The following MAGI2 variants were observed in gnomAD, a reference collection of about 807,000 sequenced individuals.
The protein encoded by MAGI2 is membrane-associated guanylate kinase, WW and PDZ domain-containing protein 2.
Under a neutral mutation model 133.3 loss-of-function variants are expected in MAGI2, and 35 were observed. That is an observed-to-expected ratio of 0.26 (90% CI 0.20 to 0.35). The LOEUF is 0.35. Among genes scored for constraint, MAGI2 ranks in the 10% least tolerant of loss-of-function variants. The pLI, the probability that MAGI2 is intolerant of heterozygous loss-of-function variation, is 1.00. For missense variants in MAGI2, 1,636 were observed against 1,863.4 expected (o/e 0.88, Z 2.25); for synonymous variants, 729 against 710.6 (o/e 1.03, Z -0.41).
chr7:78,091,077 T>A lies in MAGI2; in HGVS notation c.3568-11992A>T, dbSNP rs117832351. On this transcript the variant is annotated intron_variant, in intron 20 of 21. Transcript: ENST00000354212. ...ATGTGTGTGTGTGTGTGTGTGTGTG[T>A]GATAAGAGAGTAAGAGTGAATGAAT... is the stretch of plus-strand genomic sequence containing the variant. 4.0e-3 allele frequency among the ~76,000 whole-genome samples: 585 copies of A among 148,000 alleles called. 10 individuals are homozygous for A. The South Asian group carries it at 0.045, about 11-fold the overall frequency.
At chr7:79,361,454 ATATCG>A (rs993311101) in intron 1 of MAGI2, among the ~76,000 whole-genome samples, 2 of 152,170 alleles carry the variant, frequency 1.3e-5, no homozygotes, top group African/African-American at 2.4e-5. Context: ...TCATGCCCAA[ATATCG>A]TATTTTCCAA....
intron 6 of MAGI2, among the ~76,000 whole-genome samples, chr7:78,452,946 A>T (rs965356808): frequency 5.3e-5 from 8 of 152,106 alleles, no homozygotes; most frequent in Admixed American, 5.2e-4. Flanking sequence ...TCTCCTGAAA[A>T]AAAAATCACA....
At chr7:78,813,800 A>AC (rs1789299053) in intron 2 of MAGI2, among the ~76,000 whole-genome samples, 1 of 151,298 alleles carries the variant, frequency 6.6e-6, no homozygotes, top group Non-Finnish European at 1.5e-5. Flanking sequence ...AAAAAAAAAA[A>AC]AAAACACAAA....
intron 2 of MAGI2, among the ~76,000 whole-genome samples, chr7:78,975,784 G>GA (rs1562739435): frequency 6.6e-6 from 1 of 151,102 alleles, no homozygotes; most frequent in Admixed American, 6.6e-5. Context: ...AATTAATCAA[G>GA]AAAAAAAGGG....
chr7:78,374,816 G>T (rs922059470), intron 6 of MAGI2, among the ~76,000 whole-genome samples: 1 of 151,818 alleles, frequency 6.6e-6, no homozygotes, highest in Non-Finnish European at 1.5e-5. Context: ...TAGGATTTTT[G>T]CACTTATATT....
At chr7:78,137,927 A>AG (rs1822328888) in intron 16 of MAGI2, among the ~76,000 whole-genome samples, 3 of 40,548 alleles carry the variant, frequency 7.4e-5, no homozygotes, top group Non-Finnish European at 6.2e-5. Flanking sequence ...GTGCTAAGTG[A>AG]TAATATATGT....
At chr7:78,891,818 C>A (rs550162859) in intron 2 of MAGI2, among the ~76,000 whole-genome samples, 1 of 152,262 alleles carries the variant, frequency 6.6e-6, no homozygotes, top group South Asian at 2.1e-4. Context: ...AAAACTTGCA[C>A]AAGACAGGGA....
At chr7:78,784,214 T>A (rs1478792983) in intron 2 of MAGI2, among the ~76,000 whole-genome samples, 1 of 151,800 alleles carries the variant, frequency 6.6e-6, no homozygotes, top group Non-Finnish European at 1.5e-5. Flanking sequence ...TTTTTTTTTT[T>A]TTCTTACTAA....
At chr7:78,275,588 A>G (rs772924986) in intron 9 of MAGI2, among the ~76,000 whole-genome samples, 1 of 152,232 alleles carries the variant, frequency 6.6e-6, no homozygotes, top group Admixed American at 6.5e-5. Flanking sequence ...TGCCAAGCCT[A>G]TCAGAGAGGA....
At chr7:78,076,547 T>C (rs1050118236) in intron 21 of MAGI2, among the ~76,000 whole-genome samples, 16 of 151,134 alleles carry the variant, frequency 1.1e-4, no homozygotes, top group Non-Finnish European at 2.4e-4. Context: ...TAGGTGATGT[T>C]AAGAATTAAT....
At chr7:78,663,953 A>AT (rs1254703297) in intron 2 of MAGI2, among the ~76,000 whole-genome samples, 1 of 152,154 alleles carries the variant, frequency 6.6e-6, no homozygotes, top group Admixed American at 6.5e-5. Context: ...ACATTGCAAC[A>AT]TTTTTTTGAC....
intron 1 of MAGI2, among the ~76,000 whole-genome samples, chr7:79,120,605 T>A (rs1819809967): frequency 6.6e-6 from 1 of 152,038 alleles, no homozygotes; most frequent in African/African-American, 2.4e-5. Context: ...TAGGTCCTAA[T>A]CTATTTACAG....
chr7:79,159,353 A>G (rs1194193297), intron 1 of MAGI2, among the ~76,000 whole-genome samples: 12 of 152,040 alleles, frequency 7.9e-5, no homozygotes, highest in African/African-American at 2.9e-4. Flanking sequence ...GTCTCTACTA[A>G]AAATACAAAA....
intron 4 of MAGI2, among the ~76,000 whole-genome samples, chr7:78,508,273 G>C (rs1795261970): frequency 6.6e-6 from 1 of 151,914 alleles, no homozygotes; most frequent in Non-Finnish European, 1.5e-5. Context: ...TATGAATCTG[G>C]GGGTGGGGGC....
intron 20 of MAGI2, among the ~76,000 whole-genome samples, chr7:78,123,272 T>G (rs1820641836): frequency 6.6e-6 from 1 of 152,158 alleles, no homozygotes; most frequent in Non-Finnish European, 1.5e-5. Context: ...TCCACTGGTT[T>G]TTTGATAAAG....
At chr7:78,575,262 G>C (rs1223886549) in intron 3 of MAGI2, among the ~76,000 whole-genome samples, 1 of 152,084 alleles carries the variant, frequency 6.6e-6, no homozygotes. Flanking sequence ...TAAAGTATTG[G>C]ATTATAGCCA....
At chr7:78,768,934 A>T (rs967111952) in intron 2 of MAGI2, among the ~76,000 whole-genome samples, 1 of 152,110 alleles carries the variant, frequency 6.6e-6, no homozygotes, top group African/African-American at 2.4e-5. Flanking sequence ...GCACACCCCC[A>T]AACAACACAT....
At chr7:78,324,925 C>T (rs1054785991) in intron 9 of MAGI2, among the ~76,000 whole-genome samples, 1 of 152,122 alleles carries the variant, frequency 6.6e-6, no homozygotes, top group Non-Finnish European at 1.5e-5. Flanking sequence ...AAGATCGCGC[C>T]ATTGTACTCC....
rs530098096 is a variant in MAGI2, at chr7:79,166,841, G to A, written c.302-159635C>T. Among the ~76,000 whole-genome samples the A allele has an allele frequency of 1.7e-3, 258 of 152,098 alleles. 1 individual carries two copies. Among genetic ancestry groups the A allele is most frequent in the Admixed American group, 3.7e-3 (56 of 15,248 alleles). ...CTGATAATATAAATAATAGAGGCTA[G>A]TAATATAGAGCATGCACGGTACAGA... On this transcript the variant is annotated intron_variant, in intron 1 of 21. Transcript: ENST00000354212.
Sources: gnomAD v4.1 joint callset for allele counts (sites outside exome capture counted in the v4.1 genomes callset) on GRCh38, gnomAD v4.1.1 for gene constraint, MANE v1.5 for transcripts, NCBI Gene and HGNC (gene_info 2026-07-23, HGNC 2026-07-21) for gene names.